The following SLC24A3 variants were observed in gnomAD, a reference collection of about 807,000 sequenced individuals.
The protein encoded by SLC24A3 is sodium/potassium/calcium exchanger 3.
A neutral mutation model predicts 75.8 loss-of-function variants in SLC24A3; 28 were observed. The observed-to-expected ratio is 0.37, with a 90% CI of 0.27 to 0.51. SLC24A3 has a LOEUF of 0.51. SLC24A3 is among the 20% of genes least tolerant of loss of function. The probability of loss-of-function intolerance (pLI) is 0.94; values close to 1 mark genes in which losing one functional copy is unlikely to be tolerated. For missense variants in SLC24A3, 663 were observed against 847.8 expected, an observed-to-expected ratio of 0.78 and a Z score of 2.71; for synonymous variants, 372 against 334.1, an observed-to-expected ratio of 1.11 and a Z score of -1.24.
intron 6 of SLC24A3, among the ~76,000 whole-genome samples, chr20:19,617,299 C>G (rs1232328278): frequency 6.6e-6 from 1 of 152,048 alleles, no homozygotes; most frequent in African/African-American, 2.4e-5. Flanking sequence ...CCACCCACCT[C>G]TGCTGGTAGT....
chr20:19,675,906 C>T (rs1220962466), intron 9 of SLC24A3, among the ~76,000 whole-genome samples: 1 of 152,152 alleles, frequency 6.6e-6, no homozygotes, highest in Non-Finnish European at 1.5e-5. Context: ...TGTGTGTGTA[C>T]TCACACATCT....
intron 12 of SLC24A3, among the ~76,000 whole-genome samples, chr20:19,688,283 G>A (rs1409522373): frequency 4.6e-5 from 7 of 152,202 alleles, no homozygotes; most frequent in Non-Finnish European, 1.0e-4. Context: ...GGAGAGGCTA[G>A]AGACCTAGAG....
intron 2 of SLC24A3, among the ~76,000 whole-genome samples, chr20:19,357,998 T>C (rs1432818688): frequency 6.6e-6 from 1 of 152,238 alleles, no homozygotes. Context: ...TTTACCACTT[T>C]TCAGTTCAGT....
chr20:19,676,576 A>G (rs1460083793), intron 9 of SLC24A3, among the ~76,000 whole-genome samples: 2 of 152,252 alleles, frequency 1.3e-5, no homozygotes, highest in Non-Finnish European at 2.9e-5. Context: ...CAAGCACAAA[A>G]TTTAAAACAT....
Position 19,585,029 on chromosome 20 carries a change from C to G in SLC24A3, c.482C>G (p.Ala161Gly), listed in dbSNP as rs770211296. 1 of 1,613,868 alleles carries G rather than the reference C, an allele frequency of 6.2e-7. No individual in the cohort carries two copies. Among genetic ancestry groups the G allele is most frequent in the South Asian group, 1.1e-5 (1 of 91,072 alleles). The change falls in exon 5 of 17, where the codon GCC (alanine) becomes GGC (glycine). Residue 161 changes from alanine (A) to glycine (G), a missense_variant. By Grantham distance (60) the Ala-to-Gly change is moderately conservative. Coordinates refer to ENST00000328041, the MANE Select transcript of SLC24A3 (RefSeq NM_020689.4). ...GATFMAAGSS[A>G]PELFTSVIGV... Reference sequence around the variant, plus strand: ...ACATTCATGGCAGCGGGAAGTTCGGCCCCAGAGCTGTTCACATCGGTCATA... The same window carrying G: ...ACATTCATGGCAGCGGGAAGTTCGGGCCCAGAGCTGTTCACATCGGTCATA...
intron 2 of SLC24A3, among the ~76,000 whole-genome samples, chr20:19,317,678 T>C (rs1984616141): frequency 6.6e-6 from 1 of 152,202 alleles, no homozygotes; most frequent in African/African-American, 2.4e-5. Flanking sequence ...ACACTCATCT[T>C]TGGGGAGGGT....
chr20:19,626,073 T>G (rs1324084417), intron 6 of SLC24A3, among the ~76,000 whole-genome samples: 1 of 152,152 alleles, frequency 6.6e-6, no homozygotes, highest in African/African-American at 2.4e-5. Flanking sequence ...GTTTTAGTAA[T>G]AATTATTATA....
chr20:19,585,569 T>C, intron 6 of SLC24A3, 25 bp downstream of exon 6: 1 of 1,603,510 alleles, frequency 6.2e-7, no homozygotes, highest in Non-Finnish European at 8.5e-7. Context: ...TTCTTTGTGA[T>C]GGCAAAATGT....
intron 3 of SLC24A3, among the ~76,000 whole-genome samples, chr20:19,569,521 T>C (rs2031016231): frequency 6.6e-6 from 1 of 152,126 alleles, no homozygotes; most frequent in African/African-American, 2.4e-5. Flanking sequence ...TCTCCCATTC[T>C]CCATTCTTCT....
At chr20:19,390,175 T>G (rs1247414631) in intron 2 of SLC24A3, among the ~76,000 whole-genome samples, 1 of 152,220 alleles carries the variant, frequency 6.6e-6, no homozygotes, top group Non-Finnish European at 1.5e-5. Context: ...TTCTTTAAGA[T>G]TATTATTTTG....
chr20:19,266,742 A>G (rs1043129584), intron 1 of SLC24A3, among the ~76,000 whole-genome samples: 3 of 152,238 alleles, frequency 2.0e-5, no homozygotes, highest in Non-Finnish European at 4.4e-5. Flanking sequence ...TGAAAAATAC[A>G]AGTGTTCGGA....
At chr20:19,546,062 A>G (rs11697219) in intron 3 of SLC24A3, among the ~76,000 whole-genome samples, 79,179 of 149,596 alleles carry the variant, frequency 0.53, 21,181 homozygotes, top group African/African-American at 0.58. Context: ...GGGAGGCAGA[A>G]GTAGGAAAAT....
At chr20:19,637,799 T>C (rs962865984) in intron 6 of SLC24A3, among the ~76,000 whole-genome samples, 1 of 152,204 alleles carries the variant, frequency 6.6e-6, no homozygotes, top group African/African-American at 2.4e-5. Flanking sequence ...ATTTTTGTTC[T>C]ACCTAATATG....
chr20:19,389,186 A>G (rs543328057), intron 2 of SLC24A3, among the ~76,000 whole-genome samples: 46 of 152,132 alleles, frequency 3.0e-4, no homozygotes, highest in African/African-American at 1.0e-3. Context: ...TCCTTATTAA[A>G]TTATTGTATA....
At chr20:19,503,247 G>C (rs944810428) in intron 2 of SLC24A3, among the ~76,000 whole-genome samples, 2 of 152,094 alleles carry the variant, frequency 1.3e-5, no homozygotes, top group African/African-American at 4.8e-5. Flanking sequence ...AAGGCACTTA[G>C]TATGTTTCAT....
intron 1 of SLC24A3, among the ~76,000 whole-genome samples, chr20:19,220,838 G>A (rs987097596): frequency 3.3e-5 from 5 of 152,170 alleles, no homozygotes; most frequent in African/African-American, 1.2e-4. Flanking sequence ...TTATAAAAAA[G>A]TAATACAGTT....
chr20:19,578,417 G>A (rs1192834206), intron 3 of SLC24A3, among the ~76,000 whole-genome samples: 1 of 151,982 alleles, frequency 6.6e-6, no homozygotes, highest in Admixed American at 6.6e-5. Flanking sequence ...TTCTTCTCAG[G>A]CAAGTTTTCT....
chr20:19,561,035 C>T (rs1294046501), intron 3 of SLC24A3, among the ~76,000 whole-genome samples: 1 of 152,170 alleles, frequency 6.6e-6, no homozygotes, highest in African/African-American at 2.4e-5. Context: ...ACTGTGGTAG[C>T]ATCTTGAGCT....
At chr20:19,594,278 G>A (rs1042401773) in intron 6 of SLC24A3, among the ~76,000 whole-genome samples, 6 of 152,172 alleles carry the variant, frequency 3.9e-5, no homozygotes, top group Non-Finnish European at 8.8e-5. Context: ...ACCATGTAGG[G>A]AGTGACAGAG....
Sources: gnomAD v4.1 joint callset for allele counts (sites outside exome capture counted in the v4.1 genomes callset) on GRCh38, gnomAD v4.1.1 for gene constraint, MANE v1.5 for transcripts, NCBI Gene and HGNC (gene_info 2026-07-23, HGNC 2026-07-21) for gene names.